The following FSD1 variants were observed in gnomAD, a reference collection of about 807,000 sequenced individuals.
FSD1 encodes fibronectin type III and SPRY domain containing 1.
Under a neutral mutation model 58.2 loss-of-function variants are expected in FSD1, and 23 were observed. The observed-to-expected ratio is 0.40, with a 90% CI of 0.28 to 0.56. The LOEUF (loss-of-function observed/expected upper bound fraction) is 0.56, where lower values mean the gene tolerates loss of function less well. Among genes scored for constraint, FSD1 ranks in the 20% least tolerant of loss-of-function variants. The pLI is 0.54. For missense variants in FSD1, 563 were observed against 670.8 expected (o/e 0.84, Z 1.78); for synonymous variants, 265 against 263.4 (o/e 1.01, Z -0.06).
At chr19:4,309,046 G>A (rs10853971) in intron 4 of FSD1, among the ~76,000 whole-genome samples, 41,342 of 152,042 alleles carry the variant, frequency 0.27, 6,167 homozygotes, top group Admixed American at 0.35. Context: ...CTGCACTCCA[G>A]CCTAGGTGAC....
chr19:4,307,699 G>A (rs1287056415), intron 3 of FSD1, among the ~76,000 whole-genome samples, 183 bp from the exon 4 acceptor site: 1 of 152,186 alleles, frequency 6.6e-6, no homozygotes, highest in Non-Finnish European at 1.5e-5. Context: ...GATTCCCCAG[G>A]GATTCTGTTC....
Position 4,323,603 on chromosome 19 carries a change from G to A in FSD1, c.1451G>A (p.Arg484Gln), listed in dbSNP as rs771854680. 1 of 1,613,152 alleles carries A rather than the reference G, an allele frequency of 6.2e-7. No homozygotes were observed. Among genetic ancestry groups the A allele is most frequent in the Non-Finnish European group, 8.5e-7 (1 of 1,179,652 alleles). ...VPSAVRCLQKRGSATSSSNTS... is the reference protein window; with the variant it reads ...VPSAVRCLQKQGSATSSSNTS... ...AGTGCTGTGCGCTGCCTGCAAAAGC[G>A]AGGCAGTGCTACCAGCAGCTCCAAC... Residue 484 changes from arginine to glutamine, a missense_variant, in exon 13 of 13, where the codon CGA becomes CAA. By Grantham distance (43) the Arg-to-Gln change is conservative. Coordinates refer to ENST00000221856, the MANE Select transcript of FSD1 (RefSeq NM_024333.3). The surrounding 1 kb of genome is among the most constrained non-coding windows in gnomAD (Gnocchi z 7.7).
In FSD1 at chr19:4,317,259, C is replaced by T; in HGVS notation, c.778C>T (p.Pro260Ser). 6.2e-7 allele frequency: 1 copy of T among 1,609,462 alleles called. No individual in the cohort carries two copies. The highest frequency in any genetic ancestry group is 8.5e-7 in the Non-Finnish European group (1 of 1,175,916). ...NKAVAGEFSE[P>S]VTLETPAFMF... is the part of the protein sequence containing the mutation. ...GGCAGTTGCAGGAGAGTTCTCTGAG[C>T]CGGTGACTCTGGAGACACCAGGTGA... The change falls in exon 8 of 13, where the codon CCG becomes TCG. Residue 260 changes from proline (P) to serine (S), a missense_variant. Physicochemically the swap from Pro to Ser is moderately conservative, Grantham distance 74. Transcript: ENST00000221856.
At chr19:4,317,419 T>C in intron 8 of FSD1, 139 bp downstream of exon 8, 1 of 620,988 alleles carries the variant, frequency 1.6e-6, no homozygotes, top group South Asian at 1.8e-5. Context: ...TTGGCTTCCT[T>C]AGCCTGAGTG....
At chr19:4,317,806 C>T (rs1159063494) in intron 8 of FSD1, among the ~76,000 whole-genome samples, 1 of 152,210 alleles carries the variant, frequency 6.6e-6, no homozygotes, top group Non-Finnish European at 1.5e-5. Flanking sequence ...ATCACGAGGT[C>T]AGGAGTTCGA....
chr19:4,304,879 A>G, intron 1 of FSD1, 118 bp downstream of exon 1: 3 of 433,194 alleles, frequency 6.9e-6, no homozygotes, highest in Non-Finnish European at 1.0e-5. Context: ...TCTGCGGCTG[A>G]GGCCCCACCC....
At chr19:4,304,806 C>CGGGGGGGGGGGGGGG in intron 1 of FSD1, 45 bp downstream of exon 1, 2 of 179,420 alleles carry the variant, frequency 1.1e-5, no homozygotes, top group Non-Finnish European at 2.1e-5. Context: ...GCGTCGGGGG[C>CGGGGGGGGGGGGGGG]GGGGAAGGGG....
chr19:4,315,548 T>TC (rs1176332920), intron 7 of FSD1, among the ~76,000 whole-genome samples: 1 of 150,250 alleles, frequency 6.7e-6, no homozygotes, highest in Non-Finnish European at 1.5e-5. Context: ...GACCTTGTGA[T>TC]CCGCCTCCGT....
chr19:4,322,880 C>CA, intron 10 of FSD1, 106 bp from the exon 11 acceptor site: 2 of 1,343,984 alleles, frequency 1.5e-6, no homozygotes, highest in Non-Finnish European at 2.0e-6. Flanking sequence ...CTGCAGGGAG[C>CA]AGCTGTGGTG....
At position 4,310,610 on chromosome 19, in the gene FSD1, G is replaced by T; in HGVS notation, c.490+14G>T. On this transcript the variant is annotated intron_variant, in intron 6 of 12. Coordinates refer to ENST00000221856, the MANE Select transcript of FSD1 (RefSeq NM_024333.3). ...AGTTCCTGCCTGGTGAGAGGGGCAC[G>T]CACTAGAGGGCCAGGACTTCCGGGG... 2 of 1,609,116 alleles carry T rather than the reference G, an allele frequency of 1.2e-6. No homozygotes were observed. The highest frequency in any genetic ancestry group is 1.3e-5 in the African/African-American group (1 of 75,018).
intron 1 of FSD1, 79 bp downstream of exon 1, chr19:4,304,840 C>CCCAA: frequency 4.1e-6 from 2 of 486,592 alleles, no homozygotes; most frequent in East Asian, 4.3e-5. Context: ...GCAGCGCCCC[C>CCCAA]ACTCCCTCCC....
intron 4 of FSD1, among the ~76,000 whole-genome samples, chr19:4,309,908 CA>C (rs796584941): frequency 7.8e-4 from 90 of 115,930 alleles, no homozygotes; most frequent in Middle Eastern, 5.5e-3. Flanking sequence ...GACTCCATCT[CA>C]AAAAAAAAAA....
rs377698035 is a variant in FSD1, at chr19:4,311,926, A to T, written c.575A>T (p.Asp192Val). 6.2e-7 allele frequency: 1 copy of T among 1,614,126 alleles called. No homozygotes were observed. Among genetic ancestry groups the T allele is most frequent in the Non-Finnish European group, 8.5e-7 (1 of 1,180,022 alleles). The change falls in exon 7 of 13, where the codon GAC becomes GTC. Residue 192 changes from aspartate to valine, a missense_variant. Asp to Val is a radical substitution (Grantham distance 152). Coordinates refer to ENST00000221856, the MANE Select transcript of FSD1 (RefSeq NM_024333.3). The part of the protein sequence containing the change: ...VTLVWRMPDE[D>V]SKIDHYVLEY... ...CTGGTGTGGCGCATGCCGGATGAGGACAGCAAGATTGACCACTACGTGCTG... is the reference window on the plus strand; with the variant it reads ...CTGGTGTGGCGCATGCCGGATGAGGTCAGCAAGATTGACCACTACGTGCTG...
Position 4,304,777 on chromosome 19 carries a change from GCAGGGCGGGCCCGCA to G in FSD1, c.15+17_15+31del. The G allele has an allele frequency of 3.3e-6, 2 of 614,408 alleles. No individual in the cohort carries two copies. Among genetic ancestry groups the G allele is most frequent in the Non-Finnish European group, 4.6e-6 (2 of 438,718 alleles). 38.1% of individuals were successfully genotyped at this position (614,408 alleles called of 1,614,324 possible). On this transcript the variant is annotated intron_variant, in intron 1 of 12. Transcript: ENST00000221856. ...AGAACAGAGGGTAGGACGGGGTGGG[GCAGGGCGGGCCCGCA>G]GGGGCGTCGGGGGCGGGGAAGGGGA...
intron 10 of FSD1, among the ~76,000 whole-genome samples, chr19:4,320,396 G>A (rs190893440): frequency 6.6e-6 from 1 of 152,194 alleles, no homozygotes; most frequent in Non-Finnish European, 1.5e-5. Context: ...GACTCGAGGA[G>A]GACTTGAGGC....
chr19:4,304,858 A>T, intron 1 of FSD1, 97 bp downstream of exon 1: 1 of 390,246 alleles, frequency 2.6e-6, no homozygotes, highest in Non-Finnish European at 3.7e-6. Context: ...CCCCGCCTCC[A>T]CCCCAGCTGC....
At position 4,306,464 on chromosome 19, in the gene FSD1, C is replaced by T. The variant is rs905849072; in HGVS notation, c.243+135C>T. The T allele has an allele frequency of 7.8e-6, 6 of 768,820 alleles. No homozygotes were observed. In the Admixed American group the frequency reaches 1.1e-4, roughly 15 times the overall value. The allele number at this position is 768,820 out of a possible 1,614,324, so 47.6% of individuals were successfully genotyped here. On this transcript the variant is annotated intron_variant, in intron 3 of 12. Transcript: ENST00000221856. ...CCCCTGACCCCTCCATCCACCTGTA[C>T]ACTCTCTCTTTTTTTTTTTTGAGAC...
At chr19:4,319,228 T>G (rs1225975088) in intron 10 of FSD1, among the ~76,000 whole-genome samples, 1 of 152,198 alleles carries the variant, frequency 6.6e-6, no homozygotes, top group Non-Finnish European at 1.5e-5. Context: ...CCATGGAGTA[T>G]CTGGCACTTG....
At chr19:4,322,647 T>C (rs1394615065) in intron 10 of FSD1, among the ~76,000 whole-genome samples, 8 of 147,664 alleles carry the variant, frequency 5.4e-5, no homozygotes, top group Non-Finnish European at 8.9e-5. Context: ...CCAAGGAGTA[T>C]CTGGAGGGAA....
Sources: allele counts gnomAD v4.1 joint callset (sites outside exome capture counted in the v4.1 genomes callset), GRCh38; gene constraint gnomAD v4.1.1; non-coding constraint Gnocchi (gnomAD v3.1); transcripts MANE v1.5; gene names NCBI Gene and HGNC (gene_info 2026-07-23, HGNC 2026-07-21).